The following ZDHHC15 variants were observed in gnomAD, a reference collection of about 807,000 sequenced individuals.
ZDHHC15 encodes zDHHC palmitoyltransferase 15.
ZDHHC15 carries 19 observed loss-of-function variants against 31.7 expected under a neutral mutation model. The observed-to-expected ratio is 0.60, with a 90% confidence interval of 0.42 to 0.88. The LOEUF is 0.88. ZDHHC15 is among the 40% of genes least tolerant of loss of function. The probability of loss-of-function intolerance (pLI) is 0.00; values close to 1 mark genes in which losing one functional copy is unlikely to be tolerated. For synonymous variants in ZDHHC15, 103 were observed against 90.0 expected, an observed-to-expected ratio of 1.14 and a Z score of -0.82; for missense variants, 209 against 251.2, an observed-to-expected ratio of 0.83 and a Z score of 1.14.
intron 2 of ZDHHC15, among the ~76,000 whole-genome samples, chrX:75,493,054 A>C (rs1406781695): frequency 8.9e-6 from 1 of 111,972 alleles, no homozygotes; most frequent in Non-Finnish European, 1.9e-5. Context: ...ATAAAGAAGA[A>C]AAGAGAGCAG....
At chrX:75,406,557 A>C (rs1291777121) in intron 10 of ZDHHC15, among the ~76,000 whole-genome samples, 2 of 110,915 alleles carry the variant, frequency 1.8e-5, no homozygotes, top group Non-Finnish European at 3.8e-5. Context: ...AGAGATTATA[A>C]TGAAAAACTA....
chrX:75,520,239 CAAAT>C (rs1439043477), intron 1 of ZDHHC15, among the ~76,000 whole-genome samples: 1 of 111,830 alleles, frequency 8.9e-6, no homozygotes, highest in African/African-American at 3.2e-5. Flanking sequence ...CTAAAACAAA[CAAAT>C]AAGTCCTACG....
At chrX:75,387,583 G>A (rs909866185) in intron 10 of ZDHHC15, among the ~76,000 whole-genome samples, 1 of 111,399 alleles carries the variant, frequency 9.0e-6, no homozygotes, top group Non-Finnish European at 1.9e-5. Flanking sequence ...AAGAATCAGT[G>A]AGCTCAAAGA....
intron 8 of ZDHHC15, among the ~76,000 whole-genome samples, chrX:75,422,402 A>G (rs1156627267): frequency 8.9e-6 from 1 of 111,971 alleles, no homozygotes; most frequent in Non-Finnish European, 1.9e-5. Context: ...GAAAGTAATG[A>G]CACATAAAGA....
chrX:75,482,759 T>C (rs1307440879), intron 2 of ZDHHC15, among the ~76,000 whole-genome samples: 1 of 110,957 alleles, frequency 9.0e-6, no homozygotes, highest in African/African-American at 3.3e-5. Flanking sequence ...TTCTTATGTT[T>C]ATAAGCTTTA....
At chrX:75,517,377 C>G (rs2085374114) in intron 1 of ZDHHC15, among the ~76,000 whole-genome samples, 1 of 110,136 alleles carries the variant, frequency 9.1e-6, no homozygotes, top group African/African-American at 3.3e-5. Flanking sequence ...GAAAATGTGG[C>G]ACATATACAC....
At chrX:75,457,347 T>G (rs937298525) in intron 3 of ZDHHC15, among the ~76,000 whole-genome samples, 2 of 111,027 alleles carry the variant, frequency 1.8e-5, no homozygotes, top group African/African-American at 6.5e-5. Flanking sequence ...TTGTTTGTCT[T>G]TCTTTGGTAT....
chrX:75,455,233 T>C (rs1470434604), intron 3 of ZDHHC15, among the ~76,000 whole-genome samples: 1 of 111,485 alleles, frequency 9.0e-6, no homozygotes, highest in Non-Finnish European at 1.9e-5. Context: ...AACCATCTGA[T>C]CTTTGACAAA....
chrX:75,516,755 G>A (rs2085364140), intron 1 of ZDHHC15, among the ~76,000 whole-genome samples: 1 of 111,850 alleles, frequency 8.9e-6, no homozygotes. Flanking sequence ...TTAAACTAAA[G>A]AGCTTCTGCA....
intron 3 of ZDHHC15, among the ~76,000 whole-genome samples, chrX:75,451,764 C>A (rs1013626724): frequency 3.6e-5 from 4 of 111,413 alleles, no homozygotes; most frequent in African/African-American, 1.3e-4. Flanking sequence ...CAGATAATAA[C>A]AGGTAAATAA....
At chrX:75,474,329 T>A (rs1215464850) in intron 3 of ZDHHC15, among the ~76,000 whole-genome samples, 5 of 108,606 alleles carry the variant, frequency 4.6e-5, no homozygotes, top group African/African-American at 1.7e-4. Context: ...GACTCCAACT[T>A]CTTCATTTTT....
At chrX:75,456,763 C>A (rs1484014317) in intron 3 of ZDHHC15, among the ~76,000 whole-genome samples, 1 of 111,141 alleles carries the variant, frequency 9.0e-6, no homozygotes, top group Non-Finnish European at 1.9e-5. Context: ...TGCTCTATGA[C>A]AACGTTTCCT....
intron 4 of ZDHHC15, 148 bp from the exon 5 acceptor site, chrX:75,431,668 A>G: frequency 2.4e-6 from 1 of 424,634 alleles, no homozygotes. Flanking sequence ...AGACTACATA[A>G]GAGAATTGGG....
intron 11 of ZDHHC15, among the ~76,000 whole-genome samples, chrX:75,375,120 G>T (rs751179541): frequency 1.8e-5 from 2 of 111,535 alleles, no homozygotes; most frequent in South Asian, 7.5e-4. Context: ...AAAAGTATGA[G>T]ATTTTAATGT....
chrX:75,419,115 AAAAC>A (rs760709382), intron 9 of ZDHHC15, among the ~76,000 whole-genome samples: 20 of 111,896 alleles, frequency 1.8e-4, no homozygotes, highest in Non-Finnish European at 3.8e-4. Context: ...TTACAAGAGA[AAAAC>A]AAACAACCCC....
intron 11 of ZDHHC15, among the ~76,000 whole-genome samples, chrX:75,378,490 A>T (rs1219660824): frequency 1.8e-5 from 2 of 112,171 alleles, no homozygotes; most frequent in African/African-American, 6.5e-5. Context: ...ATAGGATTAG[A>T]AGTTTCATCC....
intron 1 of ZDHHC15, among the ~76,000 whole-genome samples, chrX:75,514,179 A>C (rs1421331096): frequency 1.8e-5 from 2 of 112,996 alleles, no homozygotes; most frequent in African/African-American, 6.4e-5. Flanking sequence ...ACAAAAAAAT[A>C]AGAACACTGG....
intron 2 of ZDHHC15, among the ~76,000 whole-genome samples, chrX:75,484,500 T>C (rs2084746279): frequency 8.9e-6 from 1 of 112,110 alleles, no homozygotes; most frequent in African/African-American, 3.2e-5. Context: ...GAGCCTCCAT[T>C]TCATACTTTA....
At position 75,369,793 on chromosome X, in the gene ZDHHC15, C is replaced by G. The variant is rs2082989920; in HGVS notation, c.*3185G>C. ...AATGTGACTCTTTCAGAATGTGATCCTGTTGTAATTACTCTCAAAATTCTA... is the reference window on the plus strand; with the variant it reads ...AATGTGACTCTTTCAGAATGTGATCGTGTTGTAATTACTCTCAAAATTCTA... On this transcript the variant is annotated 3_prime_UTR_variant, in exon 12 of 12. Coordinates refer to ENST00000373367, the MANE Select transcript of ZDHHC15 (RefSeq NM_144969.3). 3.6e-5 allele frequency: 4 copies of G among 111,940 alleles called. No homozygotes were observed. Among genetic ancestry groups the G allele is most frequent in the African/African-American group, 9.8e-5 (3 of 30,764 alleles). The allele number at this position is 111,940 out of a possible 1,213,427, so 9.2% of individuals were successfully genotyped here.
Sources: allele counts gnomAD v4.1 joint callset (sites outside exome capture counted in the v4.1 genomes callset), GRCh38; gene constraint gnomAD v4.1.1; transcripts MANE v1.5; gene names NCBI Gene and HGNC (gene_info 2026-07-23, HGNC 2026-07-21).